The following CDHR4 variants were observed in gnomAD, a reference collection of about 807,000 sequenced individuals.
The protein encoded by CDHR4 is cadherin-related family member 4.
In CDHR4, 89 loss-of-function variants were observed where a neutral mutation model predicts 88.4. The ratio of observed to expected loss-of-function variants is 1.01; its 90% confidence interval spans 0.85 to 1.20. The LOEUF (loss-of-function observed/expected upper bound fraction) is 1.20. Among genes scored for constraint, CDHR4 ranks in the 50% most tolerant of loss-of-function variants. The pLI is 0.00. For synonymous variants in CDHR4, 368 were observed against 399.2 expected, an observed-to-expected ratio of 0.92 and a Z score of 0.93; for missense variants, 914 against 1,007.2, an observed-to-expected ratio of 0.91 and a Z score of 1.25.
chr3:49,796,410 C>T (rs745883279), intron 5 of CDHR4, among the ~76,000 whole-genome samples: 26 of 151,592 alleles, frequency 1.7e-4, no homozygotes, highest in Non-Finnish European at 3.1e-4. Flanking sequence ...GATCTTGGCT[C>T]ACTGCAACCT....
intron 12 of CDHR4, 31 bp from the exon 13 acceptor site, chr3:49,793,342 G>A: frequency 6.5e-7 from 1 of 1,547,510 alleles, no homozygotes; most frequent in Non-Finnish European, 8.7e-7. Context: ...AGGAGTGGGT[G>A]GAACCCACCC....
rs1293799848 is a variant in CDHR4, at chr3:49,790,736, CT to C, written c.*95del. The C allele has an allele frequency of 8.7e-7, 1 of 1,153,634 alleles. No individual in the cohort carries two copies. The highest frequency in any genetic ancestry group is 1.2e-6 in the Non-Finnish European group (1 of 819,038). The allele number at this position is 1,153,634 out of a possible 1,614,324, so 71.5% of individuals were successfully genotyped here. A position where few individuals can be genotyped will look rare whatever the true frequency, so the allele number is the denominator to read the frequency against. ...CGTTGGCTACAAGGCTAGAACTTTT[CT>C]TTTTGTAATTTTGTTTATTATGAAT... On this transcript the variant is annotated 3_prime_UTR_variant, in exon 19 of 19. Transcript: ENST00000412678.
chr3:49,792,647 A>G (rs2081199135), intron 14 of CDHR4, 37 bp from the exon 15 acceptor site: 1 of 1,549,800 alleles, frequency 6.5e-7, no homozygotes, highest in Non-Finnish European at 8.7e-7. Flanking sequence ...CTGCCTTGCC[A>G]AAATGCCCTG....
At position 49,795,184 on chromosome 3, in the gene CDHR4, C is replaced by A. The variant is rs1457492212; in HGVS notation, c.1031+12G>T. The A allele has an allele frequency of 3.2e-6, 5 of 1,551,622 alleles. No individual in the cohort carries two copies. The Admixed American group carries it at 9.8e-5, about 30-fold the overall frequency. ...GACCCCAGCAGCCCAAGTATGGTTC[C>A]CGGGTACTCACACCAGAAGCGCTGG... is the stretch of plus-strand genomic sequence containing the variant. On this transcript the variant is annotated intron_variant, in intron 8 of 18. Coordinates refer to ENST00000412678, the MANE Select transcript of CDHR4 (RefSeq NM_001007540.4). The surrounding 1 kb of genome is among the most constrained non-coding windows in gnomAD (Gnocchi z 5.4).
chr3:49,792,895 G>T lies in CDHR4; in HGVS notation c.1954C>A (p.Arg652=). Residue 652 remains arginine, a synonymous_variant, in exon 14 of 19, where the codon CGG becomes AGG. Coordinates refer to ENST00000412678, the MANE Select transcript of CDHR4 (RefSeq NM_001007540.4). ...CTGGTGGCCACTGTGCTGGCCCTCC[G>T]GGGAACTAGATGCACAATAATGGTG... The part of the protein sequence containing the change: ...TATIIVHLVP[R]RASTVATSTH... 6.5e-7 allele frequency: 1 copy of T among 1,549,836 alleles called. No individual in the cohort carries two copies.
chr3:49,801,051 C>CA (rs59712683), upstream of CDHR4, among the ~76,000 whole-genome samples: 3,177 of 140,566 alleles, frequency 0.023, 48 homozygotes, highest in Non-Finnish European at 0.035. Flanking sequence ...GGCCCTGTCT[C>CA]AAAAAAAAAA....
chr3:49,802,136 CCTTCTCCTT>C (rs897304291), upstream of CDHR4, among the ~76,000 whole-genome samples: 2 of 149,266 alleles, frequency 1.3e-5, no homozygotes, highest in African/African-American at 2.5e-5. Context: ...TCCTTCTTCT[CCTTCTCCTT>C]CTTCTCCTTC....
At chr3:49,802,178 TTTC>T (rs1218754296), upstream of CDHR4, among the ~76,000 whole-genome samples, 13 of 137,680 alleles carry the variant, frequency 9.4e-5, no homozygotes, top group African/African-American at 2.1e-4. Context: ...TTCTTCTTCC[TTTC>T]TTTTTTTTTT....
At chr3:49,792,378 G>A (rs2081192318) in intron 15 of CDHR4, 90 bp downstream of exon 15, 3 of 1,473,292 alleles carry the variant, frequency 2.0e-6, no homozygotes, top group Non-Finnish European at 1.8e-6. Flanking sequence ...CTTGGGCATT[G>A]TCATCTAATC....
rs1479317840 is a variant in CDHR4 at position 49,795,633 on chromosome 3, C to T, written c.842G>A (p.Gly281Asp). 1.3e-6 allele frequency: 2 copies of T among 1,551,614 alleles called. No homozygotes were observed. Among genetic ancestry groups the T allele is most frequent in the South Asian group, 2.4e-5 (2 of 84,056 alleles). ...SPVPSPLFSIGRADGVVRTTT... is the reference protein window; with the variant it reads ...SPVPSPLFSIDRADGVVRTTT... ...CACCCCCCAACACCTCTCACCACGA[C>T]CAATGGAGAAGAGTGGGCTGGGCAC... The change falls in exon 7 of 19, where the codon GGT becomes GAT. Residue 281 changes from glycine to aspartate, a missense_variant. Gly to Asp is a moderately conservative substitution (Grantham distance 94). Coordinates refer to ENST00000412678, the MANE Select transcript of CDHR4 (RefSeq NM_001007540.4). The surrounding 1 kb of genome is among the most constrained non-coding windows in gnomAD (Gnocchi z 5.4).
intron 10 of CDHR4, 113 bp downstream of exon 10, chr3:49,794,495 C>A: frequency 1.2e-6 from 1 of 829,316 alleles, no homozygotes; most frequent in Non-Finnish European, 1.9e-6. Context: ...GAAATGGTGA[C>A]AACCCTGCCC....
At chr3:49,792,745 C>A in intron 14 of CDHR4, 109 bp downstream of exon 14, 1 of 1,453,356 alleles carries the variant, frequency 6.9e-7, no homozygotes, top group Non-Finnish European at 9.2e-7. Flanking sequence ...CCGCACTCTG[C>A]GCTTCCCTCT....
In CDHR4 at chr3:49,795,567, C is replaced by A. The variant is rs557600768; in HGVS notation, c.847+61G>T. On this transcript the variant is annotated intron_variant, in intron 7 of 18. Transcript: ENST00000412678. This position sits in a 1 kb window ranked among gnomAD's most constrained non-coding sequence, Gnocchi z 5.4. ...AGGAAGGTGAAGAGGTACTATGGGT[C>A]ACCTCTGGACCAGCCACAGAGGCAT... 18 of 1,541,528 alleles carry A rather than the reference C, an allele frequency of 1.2e-5. No homozygotes were observed. Among genetic ancestry groups the A allele is most frequent in the Middle Eastern group, 1.8e-4 (1 of 5,490 alleles).
intron 9 of CDHR4, 114 bp from the exon 10 acceptor site, chr3:49,794,815 C>T: frequency 7.0e-7 from 1 of 1,437,262 alleles, no homozygotes; most frequent in Non-Finnish European, 9.4e-7. Flanking sequence ...TCCTGTTTTC[C>T]AGACTGCAAC....
At chr3:49,800,535 GA>G (rs990356493), upstream of CDHR4, among the ~76,000 whole-genome samples, 8 of 150,380 alleles carry the variant, frequency 5.3e-5, no homozygotes, top group African/African-American at 2.0e-4. Flanking sequence ...AAAGAAAAAA[GA>G]AAAAAAAAGT....
In CDHR4 at chr3:49,795,291, C is replaced by T. The variant is rs535055701; in HGVS notation, c.936G>A (p.Glu312=). The change falls in exon 8 of 19, where the codon GAG becomes GAA. Residue 312 remains glutamate (E), a synonymous_variant. Transcript: ENST00000412678. The surrounding 1 kb of genome is among the most constrained non-coding windows in gnomAD (Gnocchi z 5.4). ...AVSRLQVKAF[E]QGQLWASAKL... is the part of the protein sequence containing the mutation. ...TGGCACTGGCCCACAGCTGGCCCTG[C>T]TCAAAGGCCTTCACCTGCAGCCTGG... 25 of 1,551,662 alleles carry T rather than the reference C, an allele frequency of 1.6e-5. No individual in the cohort carries two copies. Among genetic ancestry groups the T allele is most frequent in the East Asian group, 2.4e-5 (1 of 40,920 alleles).
At chr3:49,794,142 T>C in intron 10 of CDHR4, 136 bp from the exon 11 acceptor site, 3 of 811,504 alleles carry the variant, frequency 3.7e-6, no homozygotes, top group Non-Finnish European at 5.8e-6. Context: ...CTCACGCCTG[T>C]AATCCCAGCA....
chr3:49,796,780 C>G (rs917407134), intron 5 of CDHR4, 142 bp downstream of exon 5: 5 of 650,822 alleles, frequency 7.7e-6, no homozygotes, highest in African/African-American at 7.2e-5. Flanking sequence ...GGTGGGAGGA[C>G]AGACAGCATG....
intron 16 of CDHR4, 30 bp from the exon 17 acceptor site, chr3:49,791,831 G>A: frequency 6.4e-7 from 1 of 1,551,516 alleles, no homozygotes; most frequent in Non-Finnish European, 8.7e-7. Flanking sequence ...AGAGTACAGG[G>A]CAAGGCTCTG....
Sources: allele counts gnomAD v4.1 joint callset (sites outside exome capture counted in the v4.1 genomes callset), GRCh38; gene constraint gnomAD v4.1.1; non-coding constraint Gnocchi (gnomAD v3.1); transcripts MANE v1.5; gene names NCBI Gene and HGNC (gene_info 2026-07-23, HGNC 2026-07-21).